Variants in SEM1 observed in about 807,000 individuals in gnomAD.
The protein encoded by SEM1 is 26S proteasome complex subunit SEM1.
In SEM1, 3 loss-of-function variants were observed where a neutral mutation model predicts 12.7. That is an observed-to-expected ratio of 0.24 (90% CI 0.11 to 0.61). SEM1 has a LOEUF of 0.61. SEM1 is among the 20% of genes least tolerant of loss of function. SEM1 has a pLI of 0.88. For missense variants in SEM1, 59 were observed against 81.3 expected (o/e 0.73, Z 1.06); for synonymous variants, 30 against 27.8 (o/e 1.08, Z -0.25).
chr7:96,641,786 A>C (rs13238251), intron 2 of SEM1, among the ~76,000 whole-genome samples: 518 of 151,924 alleles, frequency 3.4e-3, no homozygotes, highest in Non-Finnish European at 5.7e-3. Context: ...GTCCCCATCG[A>C]GCCTATTATA....
intron 2 of SEM1, among the ~76,000 whole-genome samples, chr7:96,552,774 A>T (rs1343881223): frequency 1.3e-5 from 2 of 152,068 alleles, no homozygotes; most frequent in East Asian, 1.9e-4. Context: ...CGCCACACTG[A>T]CTTCCACAAT....
intron 2 of SEM1, among the ~76,000 whole-genome samples, chr7:96,565,253 A>G (rs541009432): frequency 6.6e-6 from 1 of 152,094 alleles, no homozygotes; most frequent in East Asian, 1.9e-4. Flanking sequence ...AGTCCCCCAA[A>G]TAGGCTAATT....
At chr7:96,584,615 T>C (rs1451708419) in intron 2 of SEM1, among the ~76,000 whole-genome samples, 1 of 150,394 alleles carries the variant, frequency 6.6e-6, no homozygotes, top group Non-Finnish European at 1.5e-5. Flanking sequence ...CAATCAGACC[T>C]AGATTTGGTC....
At chr7:96,604,748 G>A (rs1807293954) in intron 2 of SEM1, among the ~76,000 whole-genome samples, 2 of 151,852 alleles carry the variant, frequency 1.3e-5, no homozygotes, top group African/African-American at 2.4e-5. Flanking sequence ...GTGAAACCCC[G>A]TCTGCACTAA....
intron 2 of SEM1, among the ~76,000 whole-genome samples, chr7:96,572,239 G>A (rs1418940024): frequency 6.6e-6 from 1 of 152,068 alleles, no homozygotes; most frequent in Non-Finnish European, 1.5e-5. Flanking sequence ...CCAGCTTCTG[G>A]ATTCATTGAT....
chr7:96,629,997 G>A (rs555200643), intron 2 of SEM1, among the ~76,000 whole-genome samples: 46 of 152,326 alleles, frequency 3.0e-4, no homozygotes, highest in African/African-American at 1.1e-3. Context: ...CTCTCTCTCT[G>A]TTCTGAGCCA....
intron 2 of SEM1, among the ~76,000 whole-genome samples, chr7:96,611,999 TA>T (rs60890286): frequency 2.0e-5 from 3 of 151,696 alleles, no homozygotes; most frequent in Non-Finnish European, 4.4e-5. Flanking sequence ...CCCCCCCAAA[TA>T]AAAAAAGCAT....
At chr7:96,528,364 G>T (rs1804537100) in intron 2 of SEM1, among the ~76,000 whole-genome samples, 1 of 152,008 alleles carries the variant, frequency 6.6e-6, no homozygotes. Flanking sequence ...GCTAATTTTT[G>T]TAATTTTACT....
chr7:96,532,241 C>T (rs1270544576), intron 2 of SEM1, among the ~76,000 whole-genome samples: 1 of 152,048 alleles, frequency 6.6e-6, no homozygotes, highest in East Asian at 1.9e-4. Flanking sequence ...GCCCAAAGTT[C>T]TGTTTTTATT....
chr7:96,696,419 C>G (rs1009315531), intron 1 of SEM1: 1 of 151,984 alleles, frequency 6.6e-6, no homozygotes, highest in Non-Finnish European at 1.5e-5. Context: ...CGTTAATTAT[C>G]TGATAAATCT....
At chr7:96,624,009 GC>G (rs1334558626) in intron 2 of SEM1, among the ~76,000 whole-genome samples, 1 of 152,110 alleles carries the variant, frequency 6.6e-6, no homozygotes, top group Non-Finnish European at 1.5e-5. Flanking sequence ...TGGGATAAGG[GC>G]CCACCAGGAT....
chr7:96,496,390 G>A, upstream of SEM1: 1 of 909,324 alleles, frequency 1.1e-6, no homozygotes, highest in Non-Finnish European at 1.7e-6. Context: ...AGAGTGTAAA[G>A]CCAAACTTCA....
downstream of SEM1, chr7:96,622,481 G>C (rs1452298284): frequency 6.4e-6 from 4 of 625,380 alleles, no homozygotes; most frequent in African/African-American, 1.8e-5. Flanking sequence ...AATAGTAGTA[G>C]TATTTTCCTT....
chr7:96,628,239 T>C (rs898168136), intron 2 of SEM1, among the ~76,000 whole-genome samples: 1 of 152,132 alleles, frequency 6.6e-6, no homozygotes, highest in African/African-American at 2.4e-5. Context: ...TTACATTCAA[T>C]GTAATTATTG....
At chr7:96,701,636 C>A (rs1164708526) in intron 1 of SEM1, among the ~76,000 whole-genome samples, 1 of 152,002 alleles carries the variant, frequency 6.6e-6, no homozygotes, top group Non-Finnish European at 1.5e-5. Context: ...CCATATATTA[C>A]AGATAATGAA....
rs925853897 is a variant in SEM1 at position 96,662,441 on chromosome 7, C to T, written c.170+32357G>A. Among the ~76,000 whole-genome samples, 7 of 152,226 alleles carry T rather than the reference C, an allele frequency of 4.6e-5. No homozygotes were observed. The South Asian group carries it at 1.5e-3, about 32-fold the overall frequency. On this transcript the variant is annotated intron_variant, in intron 2 of 2. Transcript: ENST00000417009. Reference sequence around the variant, plus strand: ...GGAACAGAAAACCAAACACCGCATGCTCTCACTCATAAGTGGGAGTTGAAC... The same window carrying T: ...GGAACAGAAAACCAAACACCGCATGTTCTCACTCATAAGTGGGAGTTGAAC...
chr7:96,546,198 A>T (rs1482805249), intron 2 of SEM1, among the ~76,000 whole-genome samples: 1 of 152,098 alleles, frequency 6.6e-6, no homozygotes, highest in Non-Finnish European at 1.5e-5. Context: ...GACTGATCGG[A>T]CACCTACTGC....
chr7:96,482,006 G>C (rs1207127538), exon 4 of SEM1: 1 of 152,164 alleles, frequency 6.6e-6, no homozygotes, highest in Non-Finnish European at 1.5e-5. Flanking sequence ...GCATTATTGA[G>C]AAATGACACT....
intron 2 of SEM1, among the ~76,000 whole-genome samples, chr7:96,553,335 A>T (rs372285326): frequency 6.6e-6 from 1 of 151,566 alleles, no homozygotes; most frequent in African/African-American, 2.4e-5. Flanking sequence ...TAGGTCTAAC[A>T]TTTAAGTCTT....
Sources: allele counts gnomAD v4.1 joint callset (sites outside exome capture counted in the v4.1 genomes callset), GRCh38; gene constraint gnomAD v4.1.1; transcripts MANE v1.5; gene names NCBI Gene and HGNC (gene_info 2026-07-23, HGNC 2026-07-21).